SAMM50: variants seen among roughly 807,000 people sequenced by gnomAD.
The protein encoded by SAMM50 is SAMM50 sorting and assembly machinery component.
A neutral mutation model predicts 66.9 loss-of-function variants in SAMM50; 47 were observed. The observed-to-expected ratio is 0.70, with a 90% CI of 0.56 to 0.90. The LOEUF (loss-of-function observed/expected upper bound fraction) is 0.90. SAMM50 is among the 40% of genes least tolerant of loss of function. The probability of loss-of-function intolerance (pLI) is 0.00; values close to 1 mark genes in which losing one functional copy is unlikely to be tolerated. For missense variants in SAMM50, 535 were observed against 595.3 expected, an observed-to-expected ratio of 0.90 and a Z score of 1.05; for synonymous variants, 191 against 214.1, an observed-to-expected ratio of 0.89 and a Z score of 0.94.
chr22:43,974,705 C>G (rs531092228), intron 7 of SAMM50: 7 of 152,496 alleles, frequency 4.6e-5, no homozygotes, highest in African/African-American at 1.7e-4. Context: ...GAGGGGAAAC[C>G]TGGGCCACAT....
rs1317580367 is a variant in SAMM50, at chr22:43,983,955, A to G, written c.1030A>G (p.Ser344Gly). 1 of 1,611,322 alleles carries G rather than the reference A, an allele frequency of 6.2e-7. No homozygotes were observed. The highest frequency in any genetic ancestry group is 8.5e-7 in the Non-Finnish European group (1 of 1,178,994). The change falls in exon 12 of 15, where the codon AGC (serine) becomes GGC (glycine). Residue 344 changes from serine to glycine, a missense_variant. Transcript: ENST00000350028. This position sits in a 1 kb window ranked among gnomAD's most constrained non-coding sequence, Gnocchi z 4.2. ...ADRFYLGGPT[S>G]IRGFSMHSIG... The stretch of plus-strand genomic sequence containing the variant: ...TAGGTTTTACCTTGGGGGACCCACA[A>G]GCATCCGCGGATTCAGCATGCACAG...
At chr22:43,979,641 C>G (rs913557353) in intron 10 of SAMM50, among the ~76,000 whole-genome samples, 2 of 152,064 alleles carry the variant, frequency 1.3e-5, no homozygotes, top group Non-Finnish European at 2.9e-5. Context: ...TCCCCTTCCA[C>G]TCCCTGCCTT....
chr22:43,977,880 A>C lies in SAMM50; in HGVS notation c.858A>C (p.Ala286=), dbSNP rs1262500562. Residue 286 remains alanine, a synonymous_variant, in exon 10 of 15, where the codon GCA becomes GCC. Transcript: ENST00000350028. ...GALLKVNQEL[A]GYTGGDVSFI... ...GTGCTCCTTCCCTGCAGGAACTGGC[A>C]GGCTACACTGGCGGGGATGTGAGCT... is the stretch of plus-strand genomic sequence containing the variant. The C allele has an allele frequency of 1.2e-6, 2 of 1,613,524 alleles. No homozygotes were observed. The highest frequency in any genetic ancestry group is 2.7e-5 in the African/African-American group (2 of 74,936).
intron 10 of SAMM50, among the ~76,000 whole-genome samples, chr22:43,980,498 C>T (rs959065399): frequency 7.3e-5 from 11 of 151,420 alleles, no homozygotes; most frequent in East Asian, 6.0e-4. Context: ...GGTAGGACAG[C>T]GGGACACCTC....
intron 1 of SAMM50, among the ~76,000 whole-genome samples, chr22:43,955,974 T>TA (rs1330906352): frequency 6.6e-6 from 1 of 152,234 alleles, no homozygotes; most frequent in Non-Finnish European, 1.5e-5. Context: ...GGAGCCATTG[T>TA]AGGCTCCTAG....
chr22:43,960,518 C>CA (rs2050142418), intron 1 of SAMM50, among the ~76,000 whole-genome samples: 1 of 152,142 alleles, frequency 6.6e-6, no homozygotes. Flanking sequence ...CATCTGAGGT[C>CA]AGGAGTTCAA....
chr22:43,972,809 C>T, intron 5 of SAMM50, 62 bp from the exon 6 acceptor site: 1 of 1,470,644 alleles, frequency 6.8e-7, no homozygotes, highest in Non-Finnish European at 9.3e-7. Flanking sequence ...AGTCTTTATC[C>T]AATCCAAAGT....
intron 10 of SAMM50, 95 bp from the exon 11 acceptor site, chr22:43,981,296 A>G: frequency 2.1e-6 from 2 of 962,322 alleles, no homozygotes; most frequent in Non-Finnish European, 3.4e-6. Context: ...TCTGCACGCC[A>G]CGGGCATTCA....
intron 14 of SAMM50, among the ~76,000 whole-genome samples, chr22:43,991,590 TTC>T (rs2050325321): frequency 6.6e-6 from 1 of 152,192 alleles, no homozygotes; most frequent in Admixed American, 6.5e-5. Context: ...TTTTAAGAGA[TTC>T]AGACGTGTTT....
At chr22:43,990,450 A>G in intron 14 of SAMM50, 44 bp downstream of exon 14, 3 of 1,587,056 alleles carry the variant, frequency 1.9e-6, no homozygotes, top group Non-Finnish European at 2.6e-6. Context: ...CCCACTCTCC[A>G]GTAATTTTAT....
intron 12 of SAMM50, 31 bp downstream of exon 12, chr22:43,984,031 T>C (rs1159244025): frequency 1.3e-6 from 2 of 1,590,844 alleles, no homozygotes; most frequent in Non-Finnish European, 1.7e-6. Context: ...GCGCCAAGTC[T>C]AGAAGGCTCG....
At chr22:43,963,100 G>T (rs1046652989) in intron 1 of SAMM50, 186 bp from the exon 2 acceptor site, 21 of 423,882 alleles carry the variant, frequency 5.0e-5, no homozygotes, top group Admixed American at 4.2e-4. Context: ...ACCAAGCCAA[G>T]AACTTGCTCA....
intron 10 of SAMM50, among the ~76,000 whole-genome samples, chr22:43,978,295 C>A (rs1054034148): frequency 2.0e-5 from 3 of 151,574 alleles, no homozygotes; most frequent in African/African-American, 7.3e-5. Flanking sequence ...ATTAGCCGGG[C>A]GTGGTGGTGG....
chr22:43,981,630 C>T (rs1413840974), intron 11 of SAMM50, among the ~76,000 whole-genome samples, 169 bp downstream of exon 11: 1 of 152,170 alleles, frequency 6.6e-6, no homozygotes, highest in East Asian at 1.9e-4. Context: ...ATACCTCACA[C>T]TTAATATTTT....
intron 6 of SAMM50, 96 bp from the exon 7 acceptor site, chr22:43,973,140 G>A (rs2050212520): frequency 7.6e-7 from 1 of 1,322,966 alleles, no homozygotes; most frequent in South Asian, 1.3e-5. Context: ...TCTTGAAGAT[G>A]AGCCCTACGG....
At chr22:43,976,887 T>A in intron 9 of SAMM50, 66 bp downstream of exon 9, 1 of 578,532 alleles carries the variant, frequency 1.7e-6, no homozygotes, top group Non-Finnish European at 3.2e-6. Flanking sequence ...GTAGATAAAG[T>A]CCCGGTGGGC....
rs543506389 is a variant in SAMM50, at chr22:43,993,005, G to T, written c.1364+2599G>T. ...GCCGTTACTGTCTTCAGCAGACCAGGCTGGTTTTGCAAGTTTCTTTCTATG... is the reference window on the plus strand; with the variant it reads ...GCCGTTACTGTCTTCAGCAGACCAGTCTGGTTTTGCAAGTTTCTTTCTATG... On this transcript the variant is annotated intron_variant, in intron 14 of 14. Coordinates refer to ENST00000350028, the MANE Select transcript of SAMM50 (RefSeq NM_015380.5). Among the ~76,000 whole-genome samples, 11 of 152,386 alleles carry T rather than the reference G, an allele frequency of 7.2e-5. No homozygotes were observed. In the South Asian group the frequency reaches 2.3e-3, roughly 32 times the overall value.
intron 14 of SAMM50, among the ~76,000 whole-genome samples, chr22:43,993,229 C>G (rs536221120): frequency 1.3e-5 from 2 of 152,320 alleles, no homozygotes; most frequent in East Asian, 3.9e-4. Context: ...TTAGATACCG[C>G]TCTCTGACAC....
intron 1 of SAMM50, among the ~76,000 whole-genome samples, chr22:43,960,467 G>A (rs1229659119): frequency 4.6e-5 from 7 of 152,160 alleles, no homozygotes; most frequent in Non-Finnish European, 8.8e-5. Flanking sequence ...AGTGGTTCAC[G>A]CCTGTAATCC....
Sources: gnomAD v4.1 joint callset for allele counts (sites outside exome capture counted in the v4.1 genomes callset) on GRCh38, gnomAD v4.1.1 for gene constraint, Gnocchi (gnomAD v3.1) non-coding constraint, MANE v1.5 for transcripts, NCBI Gene and HGNC (gene_info 2026-07-23, HGNC 2026-07-21) for gene names.